Variants in OSBPL5 observed in about 807,000 individuals in gnomAD.
OSBPL5 encodes the protein oxysterol binding protein like 5, also known as oxysterol-binding protein-related protein 5.
Under a neutral mutation model 111.2 loss-of-function variants are expected in OSBPL5, and 71 were observed. That is an observed-to-expected ratio of 0.64 (90% confidence interval 0.53 to 0.78). The LOEUF is 0.78. Ranked by LOEUF, OSBPL5 falls within the 30% of genes least tolerant of loss-of-function variation. The probability of loss-of-function intolerance (pLI) is 0.00; values close to 1 mark genes in which losing one functional copy is unlikely to be tolerated. For synonymous variants in OSBPL5, 549 were observed against 513.9 expected (o/e 1.07, Z -0.93); for missense variants, 1,210 against 1,189.3 (o/e 1.02, Z -0.26).
chr11:3,129,984 C>T (rs1004870975), intron 1 of OSBPL5, among the ~76,000 whole-genome samples: 6 of 152,240 alleles, frequency 3.9e-5, no homozygotes, highest in African/African-American at 1.4e-4. Flanking sequence ...TTTCTTGTTT[C>T]CTCCCCTGGA....
rs997725380 is a variant in OSBPL5, at chr11:3,109,927, G to T, written c.692-1982C>A. Among the ~76,000 whole-genome samples the T allele has an allele frequency of 6.6e-6, 1 of 152,124 alleles. No homozygotes were observed. Among genetic ancestry groups the T allele is most frequent in the Non-Finnish European group, 1.5e-5 (1 of 68,008 alleles). ...AGGGGCTGCAGACACCTCTCCTCCCGAATGGTGGCCCACACCCTATCAGGG... is the reference window on the plus strand; with the variant it reads ...AGGGGCTGCAGACACCTCTCCTCCCTAATGGTGGCCCACACCCTATCAGGG... On this transcript the variant is annotated intron_variant, in intron 7 of 21. Coordinates refer to ENST00000263650, the MANE Select transcript of OSBPL5 (RefSeq NM_020896.4). This position sits in a 1 kb window ranked among gnomAD's most constrained non-coding sequence, Gnocchi z 7.4.
At chr11:3,103,126 A>G in intron 11 of OSBPL5, 113 bp downstream of exon 11, 1 of 895,946 alleles carries the variant, frequency 1.1e-6, no homozygotes. Context: ...GATCCTTCTA[A>G]GCCATGTGGG....
At chr11:3,108,020 G>A in intron 7 of OSBPL5, 75 bp from the exon 8 acceptor site, 1 of 1,534,394 alleles carries the variant, frequency 6.5e-7, no homozygotes, top group African/African-American at 1.4e-5. Context: ...GCCACCAGGA[G>A]GCTCCCCCTC....
chr11:3,127,615 T>TTG (rs1191220612), intron 2 of OSBPL5, among the ~76,000 whole-genome samples: 1 of 152,156 alleles, frequency 6.6e-6, no homozygotes, highest in East Asian at 1.9e-4. Flanking sequence ...CCCGGAGTGC[T>TTG]GGGGGGAGGC....
chr11:3,160,913 C>T (rs761872671), intron 1 of OSBPL5: 1 of 152,340 alleles, frequency 6.6e-6, no homozygotes, highest in East Asian at 1.9e-4. Flanking sequence ...GCACAGGGCA[C>T]TTACCAAGGG....
Position 3,131,097 on chromosome 11 carries a change from A to G in OSBPL5, c.-21-1928T>C, listed in dbSNP as rs575426075. Among the ~76,000 whole-genome samples the G allele has an allele frequency of 1.2e-4, 18 of 152,168 alleles. No homozygotes were observed. In the South Asian group the frequency reaches 3.5e-3, roughly 30 times the overall value. On this transcript the variant is annotated intron_variant, in intron 1 of 21. Transcript: ENST00000263650. ...GGGCAGGGAGAGGGGCTCAAAACCT[A>G]GCCTCAGCTGCCCTGTCTGGCTGTC...
chr11:3,141,639 A>ACTTT lies in OSBPL5; in HGVS notation c.-21-12471_-21-12470insAAAG, dbSNP rs1846119713. On this transcript the variant is annotated intron_variant, in intron 1 of 21. Coordinates refer to ENST00000263650, the MANE Select transcript of OSBPL5 (RefSeq NM_020896.4). The surrounding 1 kb of genome is among the most constrained non-coding windows in gnomAD (Gnocchi z 6.5). ...ACCTCCAAGGGGAACCCTTCTATGA[A>ACTTT]CGGAAAGCTCGCACCTCGCTCAATG... Among the ~76,000 whole-genome samples, 1 of 152,168 alleles carries ACTTT rather than the reference A, an allele frequency of 6.6e-6. No individual in the cohort carries two copies. Among genetic ancestry groups the ACTTT allele is most frequent in the South Asian group, 2.1e-4 (1 of 4,830 alleles).
intron 1 of OSBPL5, among the ~76,000 whole-genome samples, chr11:3,156,381 C>T (rs886679094): frequency 1.3e-5 from 2 of 152,140 alleles, no homozygotes; most frequent in Admixed American, 6.5e-5. Context: ...ACTGTTTTTG[C>T]GACTTCTCTG....
In OSBPL5 at chr11:3,141,243, G is replaced by T. The variant is rs550320001; in HGVS notation, c.-21-12074C>A. Among the ~76,000 whole-genome samples, 1 of 152,118 alleles carries T rather than the reference G, an allele frequency of 6.6e-6. No homozygotes were observed. Among genetic ancestry groups the T allele is most frequent in the Non-Finnish European group, 1.5e-5 (1 of 68,006 alleles). ...CAGGGAGGGCACAGGAGATGCCACC[G>T]AGTCGTGATTGCTCCTGGACAATGC... On this transcript the variant is annotated intron_variant, in intron 1 of 21. Coordinates refer to ENST00000263650, the MANE Select transcript of OSBPL5 (RefSeq NM_020896.4). The surrounding 1 kb of genome is among the most constrained non-coding windows in gnomAD (Gnocchi z 6.5).
chr11:3,120,449 G>T lies in OSBPL5; in HGVS notation c.578C>A (p.Pro193Gln). ...KDGFCFKLFH[P>Q]LDQSVWAVKG... Reference sequence around the variant, plus strand: ...CACGGCCCAGACGGACTGATCCAGCGGGTGGAAGAGCTTGAAGCAGAAGCC... The same window carrying T: ...CACGGCCCAGACGGACTGATCCAGCTGGTGGAAGAGCTTGAAGCAGAAGCC... Residue 193 changes from proline to glutamine, a missense_variant, in exon 6 of 22, where the codon CCG becomes CAG. By Grantham distance (76) the Pro-to-Gln change is moderately conservative. Transcript: ENST00000263650. The T allele has an allele frequency of 1.2e-6, 2 of 1,613,256 alleles. No individual in the cohort carries two copies. Among genetic ancestry groups the T allele is most frequent in the Non-Finnish European group, 1.7e-6 (2 of 1,179,996 alleles).
At position 3,154,005 on chromosome 11, in the gene OSBPL5, G is replaced by A. The variant is rs935470487; in HGVS notation, c.-22+11211C>T. 1.3e-5 allele frequency among the ~76,000 whole-genome samples: 2 copies of A among 152,252 alleles called. No homozygotes were observed. Among genetic ancestry groups the A allele is most frequent in the African/African-American group, 4.8e-5 (2 of 41,468 alleles). Reference sequence around the variant, plus strand: ...CAGCGCCGTCAGCCCCGCACACACAGCAGGGAGCCCCAGGGCAGGCCCGCA... The same window carrying A: ...CAGCGCCGTCAGCCCCGCACACACAACAGGGAGCCCCAGGGCAGGCCCGCA... On this transcript the variant is annotated intron_variant, in intron 1 of 21. Transcript: ENST00000263650. The surrounding 1 kb of genome is among the most constrained non-coding windows in gnomAD (Gnocchi z 4.9).
intron 13 of OSBPL5, 149 bp from the exon 14 acceptor site, chr11:3,100,405 C>A (rs1322231691): frequency 1.5e-6 from 1 of 657,632 alleles, no homozygotes; most frequent in Non-Finnish European, 2.7e-6. Flanking sequence ...AGTCACTTAA[C>A]CTCTCTGGGC....
intron 1 of OSBPL5, among the ~76,000 whole-genome samples, chr11:3,139,605 G>C (rs1846047126): frequency 6.6e-6 from 1 of 152,176 alleles, no homozygotes; most frequent in Non-Finnish European, 1.5e-5. Flanking sequence ...GGGGGTGGCA[G>C]GCCTTCCCCT....
chr11:3,103,565 C>T lies in OSBPL5; in HGVS notation c.1245-245G>A, dbSNP rs1857529539. Among the ~76,000 whole-genome samples the T allele has an allele frequency of 2.0e-5, 3 of 152,292 alleles. No individual in the cohort carries two copies. The South Asian group carries it at 6.2e-4, about 32-fold the overall frequency. ...AGAGGACACTGCTGACCTGGGCTGC[C>T]AGGGTGCCCCTGTCTCCAGGAAGCC... On this transcript the variant is annotated intron_variant, in intron 10 of 21. Transcript: ENST00000263650.
intron 7 of OSBPL5, among the ~76,000 whole-genome samples, chr11:3,114,602 T>C (rs1184097560): frequency 8.5e-5 from 12 of 141,010 alleles, no homozygotes; most frequent in African/African-American, 3.3e-4. Context: ...TTTTTTTTTT[T>C]TTTTTTTTTT....
At position 3,093,518 on chromosome 11, in the gene OSBPL5, A is replaced by G; in HGVS notation, c.1946+9T>C. The stretch of plus-strand genomic sequence containing the variant: ...GTCAGCAGGGTCCCTGGGCGCTGAC[A>G]GGCCTCACCTCTCGGACTCCAGCTC... On this transcript the variant is annotated intron_variant, in intron 17 of 21. Coordinates refer to ENST00000263650, the MANE Select transcript of OSBPL5 (RefSeq NM_020896.4). 6.2e-7 allele frequency: 1 copy of G among 1,605,842 alleles called. No individual in the cohort carries two copies. The highest frequency in any genetic ancestry group is 8.5e-7 in the Non-Finnish European group (1 of 1,178,784).
chr11:3,121,761 G>A lies in OSBPL5; in HGVS notation c.402+236C>T, dbSNP rs1431554069. The A allele has an allele frequency of 3.0e-5, 17 of 559,986 alleles. No individual in the cohort carries two copies. The South Asian group carries it at 3.6e-4, about 12-fold the overall frequency. The allele number at this position is 559,986 out of a possible 1,614,324, so 34.7% of individuals were successfully genotyped here. ...TTTGCAGACATAATCAGGTGAAGAT[G>A]GGGCTACACTGGAGTAAGGTGGCCC... On this transcript the variant is annotated intron_variant, in intron 5 of 21. Coordinates refer to ENST00000263650, the MANE Select transcript of OSBPL5 (RefSeq NM_020896.4). The surrounding 1 kb of genome is among the most constrained non-coding windows in gnomAD (Gnocchi z 4.3).
At position 3,140,273 on chromosome 11, in the gene OSBPL5, G is replaced by C. The variant is rs568055272; in HGVS notation, c.-21-11104C>G. Among the ~76,000 whole-genome samples, 4 of 152,322 alleles carry C rather than the reference G, an allele frequency of 2.6e-5. No individual in the cohort carries two copies. Among genetic ancestry groups the C allele is most frequent in the African/African-American group, 9.6e-5 (4 of 41,572 alleles). On this transcript the variant is annotated intron_variant, in intron 1 of 21. Transcript: ENST00000263650. The surrounding 1 kb of genome is among the most constrained non-coding windows in gnomAD (Gnocchi z 4.5). ...TCTGGAAGGGGCAGCCCACAGCAAT[G>C]CTCTCTGTGAAGGGCCAGCATGGTG...
chr11:3,119,651 G>A lies in OSBPL5; in HGVS notation c.607-20C>T. ...GGGGCCCTGGAGAGAGAGAGATCTG[G>A]GTGTCACCCGAGGCAACACCCAGGG... On this transcript the variant is annotated intron_variant, in intron 6 of 21. Transcript: ENST00000263650. 1.3e-6 allele frequency: 2 copies of A among 1,576,220 alleles called. No individual in the cohort carries two copies.
Sources: allele counts gnomAD v4.1 joint callset (sites outside exome capture counted in the v4.1 genomes callset), GRCh38; gene constraint gnomAD v4.1.1; non-coding constraint Gnocchi (gnomAD v3.1); transcripts MANE v1.5; gene names NCBI Gene and HGNC (gene_info 2026-07-23, HGNC 2026-07-21).